The following MDGA2 variants were observed in gnomAD, a reference collection of about 807,000 sequenced individuals.
The protein encoded by MDGA2 is MAM domain-containing glycosylphosphatidylinositol anchor protein 2.
MDGA2 carries 40 observed loss-of-function variants against 117.8 expected under a neutral mutation model. That is an observed-to-expected ratio of 0.34 (90% CI 0.26 to 0.44). The LOEUF is 0.44. Ranked by LOEUF, MDGA2 falls within the 20% of genes least tolerant of loss-of-function variation. The pLI is 1.00. For missense variants in MDGA2, 1,123 were observed against 1,250.6 expected (o/e 0.90, Z 1.54); for synonymous variants, 452 against 439.0 (o/e 1.03, Z -0.37).
In MDGA2 at chr14:47,036,046, G is replaced by T. The variant is rs191327917; in HGVS notation, c.1526-742C>A. 4.8e-3 allele frequency among the ~76,000 whole-genome samples: 735 copies of T among 152,006 alleles called. 4 individuals carry two copies. The highest frequency in any genetic ancestry group is 0.017 in the African/African-American group (687 of 41,472). The stretch of plus-strand genomic sequence containing the variant: ...GCACTTTGGGATAATGAGGCAGGAG[G>T]ATCACGAGGTCAGGAGATCGAGACC... On this transcript the variant is annotated intron_variant, in intron 7 of 16. Transcript: ENST00000399232.
rs1238919803 is a variant in MDGA2, at chr14:47,551,952, C to CA, written c.280+122564dup. Among the ~76,000 whole-genome samples, 5 of 152,180 alleles carry CA rather than the reference C, an allele frequency of 3.3e-5. No individual in the cohort carries two copies. In the South Asian group the frequency reaches 6.2e-4, roughly 19 times the overall value. On this transcript the variant is annotated intron_variant, in intron 1 of 16. Coordinates refer to ENST00000399232, the MANE Select transcript of MDGA2 (RefSeq NM_001113498.3). ...GAAATAACATCAACAATAGTATTTA[C>CA]AAAAGGACTCCAGTTATTTTTCTGT...
At chr14:46,914,286 A>G (rs1192260174) in intron 10 of MDGA2, among the ~76,000 whole-genome samples, 1 of 152,126 alleles carries the variant, frequency 6.6e-6, no homozygotes, top group Non-Finnish European at 1.5e-5. Flanking sequence ...ATAGCTGTCT[A>G]AGGAGATTAA....
chr14:47,641,195 C>A (rs898777135), intron 1 of MDGA2, among the ~76,000 whole-genome samples: 1 of 152,006 alleles, frequency 6.6e-6, no homozygotes, highest in Admixed American at 6.6e-5. Context: ...TGAAGTGAAG[C>A]CAAGAAGTCC....
At chr14:47,095,984 G>A (rs1408547506) in intron 6 of MDGA2, among the ~76,000 whole-genome samples, 1 of 151,954 alleles carries the variant, frequency 6.6e-6, no homozygotes, top group African/African-American at 2.4e-5. Context: ...CATACCAGGT[G>A]AAGTGAGATA....
At chr14:47,314,195 T>C (rs1295923126) in intron 1 of MDGA2, among the ~76,000 whole-genome samples, 1 of 152,168 alleles carries the variant, frequency 6.6e-6, no homozygotes. Flanking sequence ...TGATTAATAA[T>C]TTAACCTTCC....
rs578169180 is a variant in MDGA2, at chr14:47,625,658, G to A, written c.280+48859C>T. Among the ~76,000 whole-genome samples the A allele has an allele frequency of 5.3e-5, 8 of 152,130 alleles. No individual in the cohort carries two copies. In the East Asian group the frequency reaches 5.8e-4, roughly 11 times the overall value. On this transcript the variant is annotated intron_variant, in intron 1 of 16. Coordinates refer to ENST00000399232, the MANE Select transcript of MDGA2 (RefSeq NM_001113498.3). ...TATTTTCAGTGTCTCAAAATAAGCC[G>A]CCTTTATTTATTATCTGGATTACTG... is the stretch of plus-strand genomic sequence containing the variant.
chr14:46,908,669 A>T (rs967986387), intron 10 of MDGA2, among the ~76,000 whole-genome samples: 8 of 152,176 alleles, frequency 5.3e-5, no homozygotes, highest in African/African-American at 1.9e-4. Flanking sequence ...CCAGATCTGA[A>T]GATTTCTAAT....
intron 1 of MDGA2, among the ~76,000 whole-genome samples, chr14:47,523,339 G>A (rs1448171293): frequency 3.3e-5 from 5 of 152,108 alleles, no homozygotes; most frequent in Non-Finnish European, 7.4e-5. Context: ...ACAAAAAGTA[G>A]AGGTTAAATA....
At chr14:47,484,384 T>C (rs1442214948) in intron 1 of MDGA2, among the ~76,000 whole-genome samples, 1 of 152,172 alleles carries the variant, frequency 6.6e-6, no homozygotes, top group Admixed American at 6.5e-5. Context: ...AGAGCAGCCC[T>C]TGATGACAAT....
At chr14:47,356,644 T>C (rs1256631238) in intron 1 of MDGA2, among the ~76,000 whole-genome samples, 2 of 152,202 alleles carry the variant, frequency 1.3e-5, no homozygotes, top group East Asian at 3.9e-4. Context: ...CTTCCCTGTC[T>C]GTGGGTTGTG....
chr14:47,342,328 C>G (rs1890655627), intron 1 of MDGA2, among the ~76,000 whole-genome samples: 1 of 146,524 alleles, frequency 6.8e-6, no homozygotes, highest in Non-Finnish European at 1.5e-5. Flanking sequence ...ATTTATATAA[C>G]ATATATAAAT....
At chr14:47,579,397 A>G (rs921652764) in intron 1 of MDGA2, among the ~76,000 whole-genome samples, 3 of 152,098 alleles carry the variant, frequency 2.0e-5, no homozygotes, top group African/African-American at 4.8e-5. Flanking sequence ...TCAGCAACAT[A>G]ATCAAAGTCT....
chr14:47,177,082 C>G (rs1178286923), intron 3 of MDGA2, among the ~76,000 whole-genome samples: 3 of 152,118 alleles, frequency 2.0e-5, no homozygotes, highest in Non-Finnish European at 4.4e-5. Flanking sequence ...CAGAGAAATG[C>G]AAATCAAAAC....
intron 2 of MDGA2, among the ~76,000 whole-genome samples, chr14:47,234,390 T>A (rs936477171): frequency 6.6e-6 from 1 of 152,036 alleles, no homozygotes; most frequent in African/African-American, 2.4e-5. Flanking sequence ...GGTTTGGACA[T>A]ATCTGAAATT....
chr14:46,882,035 G>A lies in MDGA2; in HGVS notation c.2416+9C>T. 3.3e-6 allele frequency: 5 copies of A among 1,523,364 alleles called. No individual in the cohort carries two copies. The highest frequency in any genetic ancestry group is 4.4e-6 in the Non-Finnish European group (5 of 1,134,146). The allele number at this position is 1,523,364 out of a possible 1,614,324, so 94.4% of individuals were successfully genotyped here. ...ATAAATAAATAATTTTAAATGAAAG[G>A]CTACTTACCACTATATTTGATCACA... On this transcript the variant is annotated intron_variant, in intron 11 of 16. Transcript: ENST00000399232.
intron 5 of MDGA2, among the ~76,000 whole-genome samples, chr14:47,101,126 C>T (rs1952209): frequency 0.24 from 13,136 of 55,220 alleles, 785 homozygotes; most frequent in African/African-American, 0.35. Context: ...GATAGATAGA[C>T]AGATAGATAG....
chr14:46,866,516 G>T (rs886509631), intron 14 of MDGA2, among the ~76,000 whole-genome samples: 1 of 152,114 alleles, frequency 6.6e-6, no homozygotes, highest in Non-Finnish European at 1.5e-5. Context: ...GAAAGCAATG[G>T]CAACCAAAGC....
chr14:46,958,274 A>G lies in MDGA2; in HGVS notation c.1820-631T>C, dbSNP rs565100457. 9.2e-5 allele frequency among the ~76,000 whole-genome samples: 14 copies of G among 152,258 alleles called. 1 individual carries two copies. In the South Asian group the frequency reaches 2.9e-3, roughly 32 times the overall value. ...ATTCCAGGTAGAGGAATGGGTACAT[A>G]CAAAGGTACAAAATCTGAAGAGGAA... On this transcript the variant is annotated intron_variant, in intron 8 of 16. Transcript: ENST00000399232.
At chr14:47,338,059 T>C (rs1402561046) in intron 1 of MDGA2, among the ~76,000 whole-genome samples, 2 of 152,102 alleles carry the variant, frequency 1.3e-5, no homozygotes, top group African/African-American at 2.4e-5. Context: ...ACGATTTTGT[T>C]CTGAAAGTAT....
Sources: allele counts gnomAD v4.1 joint callset (sites outside exome capture counted in the v4.1 genomes callset), GRCh38; gene constraint gnomAD v4.1.1; transcripts MANE v1.5; gene names NCBI Gene and HGNC (gene_info 2026-07-23, HGNC 2026-07-21).